The following THG1L variants were observed in gnomAD, a reference collection of about 807,000 sequenced individuals.
The protein encoded by THG1L is tRNA-histidine guanylyltransferase 1 like, also known as probable tRNA(His) guanylyltransferase.
A neutral mutation model predicts 35.2 loss-of-function variants in THG1L; 27 were observed. The observed-to-expected ratio is 0.77, with a 90% CI of 0.57 to 1.06. The LOEUF (loss-of-function observed/expected upper bound fraction) is 1.06, where lower values mean the gene tolerates loss of function less well. Among genes scored for constraint, THG1L ranks in the 50% least tolerant of loss-of-function variants. The probability of loss-of-function intolerance (pLI) is 0.00; values close to 1 mark genes in which losing one functional copy is unlikely to be tolerated. For missense variants in THG1L, 377 were observed against 371.8 expected (o/e 1.01, Z -0.12); for synonymous variants, 135 against 132.4 (o/e 1.02, Z -0.14).
At chr5:157,732,636 A>G (rs756836709) in intron 1 of THG1L, among the ~76,000 whole-genome samples, 175 of 152,166 alleles carry the variant, frequency 1.2e-3, no homozygotes, top group Non-Finnish European at 1.0e-3. Flanking sequence ...TTTTATTCCC[A>G]TTTCACAGAA....
intron 2 of THG1L, among the ~76,000 whole-genome samples, chr5:157,733,478 T>C (rs1345015653): frequency 6.6e-6 from 1 of 152,192 alleles, no homozygotes; most frequent in Non-Finnish European, 1.5e-5. Context: ...ACAAATCATA[T>C]AATGAATTGG....
chr5:157,734,529 G>T, intron 2 of THG1L, 47 bp from the exon 3 acceptor site: 2 of 1,606,870 alleles, frequency 1.2e-6, no homozygotes, highest in Non-Finnish European at 1.7e-6. Context: ...CTAATTCCGT[G>T]TATTTTTCTT....
chr5:157,731,638 G>A lies in THG1L; in HGVS notation c.191+7G>A, dbSNP rs368955717. ...ACGGCCGGAATTTCCATCGGTGAGC[G>A]AGCTCGACTCGGGGCGTCGCGATGC... is the stretch of plus-strand genomic sequence containing the variant. On this transcript the variant is annotated splice_region_variant and intron_variant, in intron 1 of 5. Coordinates refer to ENST00000231198, the MANE Select transcript of THG1L (RefSeq NM_017872.5). The A allele has an allele frequency of 2.5e-5, 40 of 1,588,198 alleles. No homozygotes were observed. Among genetic ancestry groups the A allele is most frequent in the Middle Eastern group, 1.7e-4 (1 of 5,872 alleles).
At chr5:157,733,381 A>G (rs577326984) in intron 2 of THG1L, among the ~76,000 whole-genome samples, 194 of 152,366 alleles carry the variant, frequency 1.3e-3, no homozygotes, top group African/African-American at 4.4e-3. Flanking sequence ...CGTGCATTGC[A>G]TTACACTGTT....
intron 4 of THG1L, among the ~76,000 whole-genome samples, chr5:157,737,419 G>C (rs1177870496): frequency 1.3e-5 from 2 of 151,962 alleles, no homozygotes; most frequent in Admixed American, 1.3e-4. Context: ...GGAGGTGGCA[G>C]TTGCAGTGAG....
chr5:157,732,175 TG>T (rs1406829177), intron 1 of THG1L, among the ~76,000 whole-genome samples: 1 of 145,618 alleles, frequency 6.9e-6, no homozygotes, highest in African/African-American at 2.6e-5. Context: ...GTTTTTGTTT[TG>T]TTTTTTCTGT....
rs1428503063 is a variant in THG1L, at chr5:157,735,856, T to A, written c.549T>A (p.Asn183Lys). The stretch of plus-strand genomic sequence containing the variant: ...TTGTTCTCCTCACAGGTCACATCAA[T>A]AATCTTTATAATACAGTTTTCTGGG... ...LSWRQADCHINNLYNTVFWAL... is the reference protein window; with the variant it reads ...LSWRQADCHIKNLYNTVFWAL... Residue 183 changes from asparagine to lysine, a missense_variant, in exon 4 of 6, where the codon AAT becomes AAA. Transcript: ENST00000231198. The A allele has an allele frequency of 6.3e-7, 1 of 1,599,736 alleles. No individual in the cohort carries two copies. Among genetic ancestry groups the A allele is most frequent in the Admixed American group, 1.8e-5 (1 of 56,726 alleles).
intron 2 of THG1L, among the ~76,000 whole-genome samples, chr5:157,733,620 C>A (rs1481964523): frequency 6.6e-6 from 1 of 152,062 alleles, no homozygotes; most frequent in Non-Finnish European, 1.5e-5. Flanking sequence ...CATGAGCCAC[C>A]ACGCCCAGCC....
In THG1L at chr5:157,731,512, G is replaced by C. The variant is rs1760714921; in HGVS notation, c.72G>C (p.Leu24=). The C allele has an allele frequency of 1.9e-6, 3 of 1,613,032 alleles. No individual in the cohort carries two copies. The highest frequency in any genetic ancestry group is 2.5e-6 in the Non-Finnish European group (3 of 1,179,538). ...ATISITLRRY[L]RLGATMAKSK... Reference sequence around the variant, plus strand: ...TTTCCATCACTCTGAGACGGTACCTGAGATTGGGGGCGACCATGGCAAAAA... The same window carrying C: ...TTTCCATCACTCTGAGACGGTACCTCAGATTGGGGGCGACCATGGCAAAAA... The change falls in exon 1 of 6, where the codon CTG becomes CTC. Residue 24 remains leucine, a synonymous_variant. Transcript: ENST00000231198.
intron 5 of THG1L, chr5:157,738,763 T>C (rs1381200664): frequency 9.3e-6 from 3 of 323,226 alleles, no homozygotes; most frequent in African/African-American, 4.5e-5. Context: ...TCTATAGTTA[T>C]TGCTAATGAG....
Position 157,741,238 on chromosome 5 carries a change from T to G in THG1L, c.*1756T>G, listed in dbSNP as rs1258272240. 6.6e-6 allele frequency: 1 copy of G among 152,076 alleles called. No homozygotes were observed. The highest frequency in any genetic ancestry group is 2.4e-5 in the African/African-American group (1 of 41,412). The allele number at this position is 152,076 out of a possible 1,614,324, so 9.4% of individuals were successfully genotyped here. The stretch of plus-strand genomic sequence containing the variant: ...AATTAAGAGACAGCCCGTGTCCCAG[T>G]CCCTCGTCTTGCACTGCAGAATTTA... On this transcript the variant is annotated 3_prime_UTR_variant, in exon 6 of 6. Transcript: ENST00000231198.
At position 157,735,845 on chromosome 5, in the gene THG1L, G is replaced by A; in HGVS notation, c.539-1G>A. 2 of 1,589,438 alleles carry A rather than the reference G, an allele frequency of 1.3e-6. No individual in the cohort carries two copies. Among genetic ancestry groups the A allele is most frequent in the Non-Finnish European group, 1.7e-6 (2 of 1,166,284 alleles). ...ACATTACTATTTTGTTCTCCTCACA[G>A]GTCACATCAATAATCTTTATAATAC... On this transcript the variant is annotated splice_acceptor_variant, in intron 3 of 5. Coordinates refer to ENST00000231198, the MANE Select transcript of THG1L (RefSeq NM_017872.5). LOFTEE classifies it high-confidence loss of function.
chr5:157,732,798 A>G, intron 1 of THG1L, 70 bp from the exon 2 acceptor site: 1 of 1,558,856 alleles, frequency 6.4e-7, no homozygotes, highest in Non-Finnish European at 8.8e-7. Context: ...AGCCTCTGTT[A>G]TCTAGCAACA....
At chr5:157,734,823 G>T in intron 3 of THG1L, 78 bp downstream of exon 3, 1 of 1,534,476 alleles carries the variant, frequency 6.5e-7, no homozygotes. Context: ...TACAGGATTG[G>T]CTCACATATA....
At chr5:157,735,326 G>A (rs959211625) in intron 3 of THG1L, among the ~76,000 whole-genome samples, 1 of 148,374 alleles carries the variant, frequency 6.7e-6, no homozygotes, top group Non-Finnish European at 1.5e-5. Context: ...TTCAGTGGCA[G>A]CTACCTTTAC....
At position 157,739,468 on chromosome 5, in the gene THG1L, G is replaced by C. The variant is rs1308122398; in HGVS notation, c.883G>C (p.Asp295His). The C allele has an allele frequency of 6.2e-7, 1 of 1,612,866 alleles. No individual in the cohort carries two copies. The highest frequency in any genetic ancestry group is 8.5e-7 in the Non-Finnish European group (1 of 1,179,406). ...AFWKEHPEILDEDS is the reference protein window; with the variant it reads ...AFWKEHPEILHEDS ...CTGGAAGGAACATCCAGAGATTCTA[G>C]ATGAAGACAGCTGACCCTTTTGCGC... The change falls in exon 6 of 6, where the codon GAT becomes CAT. Residue 295 changes from aspartate (D) to histidine (H), a missense_variant. Coordinates refer to ENST00000231198, the MANE Select transcript of THG1L (RefSeq NM_017872.5).
At chr5:157,733,987 A>G (rs1344707922) in intron 2 of THG1L, among the ~76,000 whole-genome samples, 1 of 152,176 alleles carries the variant, frequency 6.6e-6, no homozygotes, top group Non-Finnish European at 1.5e-5. Flanking sequence ...ATAAAATAAA[A>G]TTTAAAAATA....
At chr5:157,733,622 C>T (rs111631716) in intron 2 of THG1L, among the ~76,000 whole-genome samples, 10,237 of 152,120 alleles carry the variant, frequency 0.067, 533 homozygotes, top group African/African-American at 0.14. Context: ...TGAGCCACCA[C>T]GCCCAGCCTG....
chr5:157,734,191 T>C (rs1001108891), intron 2 of THG1L, among the ~76,000 whole-genome samples: 1 of 151,920 alleles, frequency 6.6e-6, no homozygotes, highest in African/African-American at 2.4e-5. Context: ...AGTTTGAGAC[T>C]AGCCTGGCCA....
Sources: gnomAD v4.1 joint callset for allele counts (sites outside exome capture counted in the v4.1 genomes callset) on GRCh38, gnomAD v4.1.1 for gene constraint, MANE v1.5 for transcripts, NCBI Gene and HGNC (gene_info 2026-07-23, HGNC 2026-07-21) for gene names.